GPD2: variants seen among roughly 807,000 people sequenced by gnomAD.
The protein encoded by GPD2 is glycerol-3-phosphate dehydrogenase, mitochondrial.
Under a neutral mutation model 82.4 loss-of-function variants are expected in GPD2, and 54 were observed. That is an observed-to-expected ratio of 0.66 (90% confidence interval 0.53 to 0.82). GPD2 has a LOEUF of 0.82. GPD2 is among the 40% of genes least tolerant of loss of function. The pLI is 0.00. For missense variants in GPD2, 748 were observed against 896.2 expected (o/e 0.83, Z 2.11); for synonymous variants, 288 against 306.1 (o/e 0.94, Z 0.62).
chr2:156,529,895 T>C (rs1685778326), intron 6 of GPD2, among the ~76,000 whole-genome samples: 1 of 152,176 alleles, frequency 6.6e-6, no homozygotes, highest in Admixed American at 6.5e-5. Context: ...TTTGTTCTTT[T>C]GGCTTAGGAT....
the GPD2 span, among the ~76,000 whole-genome samples, chr2:156,422,358 T>C: frequency 2.6e-5 from 4 of 152,178 alleles, no homozygotes; most frequent in Admixed American, 2.6e-4. Context: ...TTATCTATAA[T>C]ACAGATTGGA....
At chr2:156,571,004 G>A (rs1374795108) in intron 12 of GPD2, 130 bp from the exon 13 acceptor site, 3 of 719,494 alleles carry the variant, frequency 4.2e-6, no homozygotes, top group Non-Finnish European at 7.4e-6. Flanking sequence ...CATGCCTGCT[G>A]GAGGACCAGA....
chr2:156,513,630 C>A, intron 6 of GPD2, 134 bp downstream of exon 6: 1 of 716,318 alleles, frequency 1.4e-6, no homozygotes. Flanking sequence ...CACGTGCACG[C>A]ACATATTCAC....
chr2:156,506,018 T>C (rs1368436011), intron 3 of GPD2, among the ~76,000 whole-genome samples: 2 of 152,152 alleles, frequency 1.3e-5, no homozygotes, highest in Admixed American at 6.5e-5. Context: ...TTGCAGTTGG[T>C]TGGTTGGTTA....
At chr2:156,522,683 CT>C (rs35120661) in intron 6 of GPD2, among the ~76,000 whole-genome samples, 89,464 of 134,426 alleles carry the variant, frequency 0.67, 28,622 homozygotes, top group East Asian at 0.77. Context: ...GTTTTTTAAG[CT>C]TTTTTTTTTT....
At chr2:156,502,298 C>G (rs1286626841) in intron 3 of GPD2, among the ~76,000 whole-genome samples, 2 of 151,976 alleles carry the variant, frequency 1.3e-5, no homozygotes, top group African/African-American at 4.8e-5. Flanking sequence ...AAGGAAAAGC[C>G]TGCTTTTGAT....
At chr2:156,495,907 T>C (rs2105240839) in intron 2 of GPD2, 137 bp from the exon 3 acceptor site, 1 of 675,030 alleles carries the variant, frequency 1.5e-6, no homozygotes, top group East Asian at 2.7e-5. Flanking sequence ...GTTGGTCCTA[T>C]AACTCTATGT....
At chr2:156,579,838 G>A (rs139136552) in intron 16 of GPD2, 50 bp downstream of exon 16, 4 of 878,434 alleles carry the variant, frequency 4.6e-6, no homozygotes, top group Non-Finnish European at 7.8e-6. Flanking sequence ...TCTTTTGTTT[G>A]TCATGATCAT....
intron 2 of GPD2, among the ~76,000 whole-genome samples, chr2:156,487,136 C>T (rs896472201): frequency 1.3e-5 from 2 of 151,974 alleles, no homozygotes; most frequent in Non-Finnish European, 2.9e-5. Context: ...CAAAACCCCA[C>T]CTCTACTAAA....
the GPD2 span, among the ~76,000 whole-genome samples, chr2:156,400,919 A>G: frequency 6.6e-6 from 1 of 152,124 alleles, no homozygotes; most frequent in Non-Finnish European, 1.5e-5. Flanking sequence ...TTGTACATAC[A>G]TTTTGCTCAC....
At chr2:156,403,210 T>C in the GPD2 span, among the ~76,000 whole-genome samples, 1 of 152,150 alleles carries the variant, frequency 6.6e-6, no homozygotes, top group Non-Finnish European at 1.5e-5. Flanking sequence ...ATTTATTTAT[T>C]TTTTCTTGCT....
chr2:156,514,166 G>A (rs528266644), intron 6 of GPD2, among the ~76,000 whole-genome samples: 4 of 136,734 alleles, frequency 2.9e-5, no homozygotes, highest in Non-Finnish European at 4.7e-5. Context: ...ATATAGTTTT[G>A]TACACTTTTA....
At chr2:156,538,237 G>C (rs1686153920) in intron 6 of GPD2, among the ~76,000 whole-genome samples, 1 of 152,028 alleles carries the variant, frequency 6.6e-6, no homozygotes, top group Non-Finnish European at 1.5e-5. Flanking sequence ...TTTCGCTTAG[G>C]GTGATCGGGC....
At chr2:156,423,280 A>T in the GPD2 span, among the ~76,000 whole-genome samples, 1 of 152,230 alleles carries the variant, frequency 6.6e-6, no homozygotes, top group Non-Finnish European at 1.5e-5. Context: ...TGCAAAAGTA[A>T]TTGCAGTTTT....
intron 9 of GPD2, among the ~76,000 whole-genome samples, chr2:156,562,178 G>A (rs563265592): frequency 4.6e-5 from 7 of 152,304 alleles, no homozygotes; most frequent in African/African-American, 1.7e-4. Context: ...AGTTTTTCCT[G>A]GAGTACTTCT....
intron 3 of GPD2, among the ~76,000 whole-genome samples, chr2:156,499,552 C>A (rs1573934066): frequency 6.6e-6 from 1 of 151,950 alleles, no homozygotes. Flanking sequence ...TCTTTTTCAC[C>A]TTCTGAAAAG....
At chr2:156,533,761 C>A (rs747532238) in intron 6 of GPD2, among the ~76,000 whole-genome samples, 1 of 152,124 alleles carries the variant, frequency 6.6e-6, no homozygotes, top group Non-Finnish European at 1.5e-5. Context: ...GTTCTCTGAC[C>A]CCCCTCGCAG....
chr2:156,510,013 C>T (rs543859479), intron 3 of GPD2, among the ~76,000 whole-genome samples: 1 of 152,066 alleles, frequency 6.6e-6, no homozygotes, highest in South Asian at 2.1e-4. Flanking sequence ...GAACTCCTGA[C>T]CTCAAGTGAT....
chr2:156,471,298 C>A (rs929504247), intron 1 of GPD2, among the ~76,000 whole-genome samples: 1 of 152,174 alleles, frequency 6.6e-6, no homozygotes, highest in Non-Finnish European at 1.5e-5. Flanking sequence ...GGATCTATTT[C>A]ATTGCCCTCT....
Sources: gnomAD v4.1 joint callset for allele counts (sites outside exome capture counted in the v4.1 genomes callset) on GRCh38, gnomAD v4.1.1 for gene constraint, MANE v1.5 for transcripts, NCBI Gene and HGNC (gene_info 2026-07-23, HGNC 2026-07-21) for gene names.